Variants in ZFAND3 observed in about 807,000 individuals in gnomAD.
ZFAND3 encodes the protein AN1-type zinc finger protein 3.
In ZFAND3, 10 loss-of-function variants were observed where a neutral mutation model predicts 29.6. The observed-to-expected ratio is 0.34, with a 90% confidence interval of 0.21 to 0.57. The LOEUF (loss-of-function observed/expected upper bound fraction) is 0.57. ZFAND3 is among the 20% of genes least tolerant of loss of function. The pLI, the probability that ZFAND3 is intolerant of heterozygous loss-of-function variation, is 0.86. For missense variants in ZFAND3, 230 were observed against 304.5 expected (o/e 0.76, Z 1.82); for synonymous variants, 128 against 112.6 (o/e 1.14, Z -0.87).
intron 5 of ZFAND3, chr6:38,143,068 C>T (rs750756852): frequency 1.3e-5 from 2 of 152,148 alleles, no homozygotes; most frequent in Non-Finnish European, 2.9e-5. Context: ...ATAGGTTTTC[C>T]TATATGGAGG....
intron 1 of ZFAND3, among the ~76,000 whole-genome samples, chr6:37,865,241 T>G (rs566078123): frequency 6.6e-6 from 1 of 152,252 alleles, no homozygotes; most frequent in Admixed American, 6.5e-5. Flanking sequence ...CCTGTACGCT[T>G]TAAATCATCT....
rs975385946 is a variant in ZFAND3, at chr6:38,146,566, C to A, written c.530-5669C>A. On this transcript the variant is annotated intron_variant, in intron 5 of 5. Coordinates refer to ENST00000287218, the MANE Select transcript of ZFAND3 (RefSeq NM_021943.3). The stretch of plus-strand genomic sequence containing the variant: ...CGCAACTCAGGCATCCTTAAGGAAG[C>A]TCTGCAGCTTCCTCCTGGACCAGTA... 2.6e-5 allele frequency among the ~76,000 whole-genome samples: 4 copies of A among 152,328 alleles called. No individual in the cohort carries two copies. In the South Asian group the frequency reaches 6.2e-4, roughly 24 times the overall value.
intron 1 of ZFAND3, among the ~76,000 whole-genome samples, chr6:37,835,379 A>G (rs1209189887): frequency 6.7e-6 from 1 of 148,236 alleles, no homozygotes; most frequent in Non-Finnish European, 1.5e-5. Context: ...CTGGTCTTGA[A>G]CTCCTGGGCT....
chr6:38,104,575 A>G (rs1302711623), intron 4 of ZFAND3, among the ~76,000 whole-genome samples: 1 of 152,212 alleles, frequency 6.6e-6, no homozygotes, highest in Non-Finnish European at 1.5e-5. Context: ...GTTGTACATC[A>G]GAAAAGAAGA....
intron 2 of ZFAND3, among the ~76,000 whole-genome samples, chr6:38,008,180 A>C (rs1458104795): frequency 6.6e-6 from 1 of 152,204 alleles, no homozygotes; most frequent in Non-Finnish European, 1.5e-5. Flanking sequence ...AACCAGGATT[A>C]TTAGAATAAA....
intron 3 of ZFAND3, 71 bp from the exon 4 acceptor site, chr6:38,082,321 A>G: frequency 7.3e-7 from 1 of 1,364,456 alleles, no homozygotes; most frequent in Non-Finnish European, 1.0e-6. Context: ...GTTTCTCTTT[A>G]CTCAGGAAAG....
chr6:37,869,906 T>C (rs1472532566), intron 1 of ZFAND3, among the ~76,000 whole-genome samples: 1 of 152,126 alleles, frequency 6.6e-6, no homozygotes, highest in Admixed American at 6.5e-5. Context: ...GCTTTTATTT[T>C]TCTTTCTTTC....
At position 37,847,422 on chromosome 6, in the gene ZFAND3, A is replaced by G. The variant is rs1318939343; in HGVS notation, c.71+27406A>G. On this transcript the variant is annotated intron_variant, in intron 1 of 5. Coordinates refer to ENST00000287218, the MANE Select transcript of ZFAND3 (RefSeq NM_021943.3). The stretch of plus-strand genomic sequence containing the variant: ...AACCCTGTCTCTACTAAAAATACAA[A>G]AATTAGCTGGGTGTGGTGGCATTTG... 2.0e-5 allele frequency among the ~76,000 whole-genome samples: 3 copies of G among 151,940 alleles called. No individual in the cohort carries two copies. In the East Asian group the frequency reaches 5.8e-4, roughly 29 times the overall value.
intron 1 of ZFAND3, among the ~76,000 whole-genome samples, chr6:37,899,822 A>G (rs1277806630): frequency 1.3e-5 from 2 of 152,200 alleles, no homozygotes; most frequent in Admixed American, 1.3e-4. Flanking sequence ...TCACAGTTCC[A>G]TTACCCCGAG....
At chr6:38,014,330 AT>A (rs869081015) in intron 2 of ZFAND3, among the ~76,000 whole-genome samples, 7 of 150,838 alleles carry the variant, frequency 4.6e-5, no homozygotes, top group African/African-American at 7.3e-5. Flanking sequence ...TATTATTATT[AT>A]TTTTTTTTTT....
Position 38,153,715 on chromosome 6 carries a change from A to G in ZFAND3, c.*1326A>G, listed in dbSNP as rs990362090. ...GGTTGCCCCATGTTAGGAAATCACT[A>G]CCAGTCAGGTGGGGCTGGGGCTGGG... On this transcript the variant is annotated 3_prime_UTR_variant, in exon 6 of 6. Coordinates refer to ENST00000287218, the MANE Select transcript of ZFAND3 (RefSeq NM_021943.3). 6.0e-5 allele frequency: 59 copies of G among 985,164 alleles called. No homozygotes were observed. Among genetic ancestry groups the G allele is most frequent in the Admixed American group, 6.2e-5 (1 of 16,234 alleles). 61.0% of individuals were successfully genotyped at this position (985,164 alleles called of 1,614,324 possible).
chr6:37,983,920 T>C (rs1316261498), intron 2 of ZFAND3, among the ~76,000 whole-genome samples: 1 of 152,212 alleles, frequency 6.6e-6, no homozygotes, highest in African/African-American at 2.4e-5. Flanking sequence ...GATAACCCCA[T>C]TGTTCAGCAA....
intron 4 of ZFAND3, among the ~76,000 whole-genome samples, chr6:38,098,167 T>C (rs1368124091): frequency 6.6e-6 from 1 of 152,108 alleles, no homozygotes; most frequent in East Asian, 1.9e-4. Flanking sequence ...GCTTGAGTGA[T>C]TCTCCCACCT....
At chr6:38,050,868 A>G (rs772578374) in intron 2 of ZFAND3, among the ~76,000 whole-genome samples, 12 of 152,196 alleles carry the variant, frequency 7.9e-5, no homozygotes, top group Non-Finnish European at 1.6e-4. Context: ...TCAAAAGTTA[A>G]TATCACCACT....
rs552824705 is a variant in ZFAND3, at chr6:37,891,854, G to A, written c.72-38105G>A. On this transcript the variant is annotated intron_variant, in intron 1 of 5. Coordinates refer to ENST00000287218, the MANE Select transcript of ZFAND3 (RefSeq NM_021943.3). Reference sequence around the variant, plus strand: ...AGCGATTCTCCTATCTCAGCCTCCCGAGTAGTTGGGATTACAGGTGCATGC... The same window carrying A: ...AGCGATTCTCCTATCTCAGCCTCCCAAGTAGTTGGGATTACAGGTGCATGC... Among the ~76,000 whole-genome samples the A allele has an allele frequency of 1.8e-3, 278 of 152,014 alleles. 1 individual carries two copies. The highest frequency in any genetic ancestry group is 3.5e-3 in the Non-Finnish European group (241 of 67,958).
intron 3 of ZFAND3, among the ~76,000 whole-genome samples, chr6:38,067,306 C>T (rs1764366154): frequency 6.6e-6 from 1 of 152,208 alleles, no homozygotes; most frequent in Non-Finnish European, 1.5e-5. Context: ...GTTCAAGGAT[C>T]AACTGTATTA....
Position 38,120,320 on chromosome 6 carries a change from C to CTTTTTTTTTT in ZFAND3, c.529+3602_529+3611dup, listed in dbSNP as rs70981523. Among the ~76,000 whole-genome samples, 418 of 60,718 alleles carry CTTTTTTTTTT rather than the reference C, an allele frequency of 6.9e-3. 71 individuals are homozygous for CTTTTTTTTTT. Among genetic ancestry groups the CTTTTTTTTTT allele is most frequent in the Non-Finnish European group, 0.01 (334 of 31,822 alleles). The allele number at this position is 60,718 out of a possible 152,430, so 39.8% of individuals were successfully genotyped here. ...TGATTGATACACGTAGCTTGGCTTCCTTTTTTTTTTTTTTTTTTTTTTTTT... is the reference window on the plus strand; with the variant it reads ...TGATTGATACACGTAGCTTGGCTTCCTTTTTTTTTTTTTTTTTTTTTTTTTTTTTTTTTTT... On this transcript the variant is annotated intron_variant, in intron 5 of 5. Coordinates refer to ENST00000287218, the MANE Select transcript of ZFAND3 (RefSeq NM_021943.3).
chr6:37,895,672 C>T (rs1211410939), intron 1 of ZFAND3, among the ~76,000 whole-genome samples: 1 of 151,864 alleles, frequency 6.6e-6, no homozygotes, highest in East Asian at 1.9e-4. Context: ...TCATATTTTC[C>T]TGCTTCTTTG....
intron 2 of ZFAND3, among the ~76,000 whole-genome samples, chr6:38,031,847 A>G (rs1244131679): frequency 3.0e-5 from 2 of 67,060 alleles, no homozygotes; most frequent in East Asian, 1.0e-3. Flanking sequence ...CCCCCGCCCC[A>G]CGCTGTCCCA....
Sources: gnomAD v4.1 joint callset for allele counts (sites outside exome capture counted in the v4.1 genomes callset) on GRCh38, gnomAD v4.1.1 for gene constraint, MANE v1.5 for transcripts, NCBI Gene and HGNC (gene_info 2026-07-23, HGNC 2026-07-21) for gene names.